Variants in SELENOS observed in about 807,000 individuals in gnomAD.
SELENOS encodes VCP interacting membrane selenoprotein.
In SELENOS, 37 loss-of-function variants were observed where a neutral mutation model predicts 30.2. The ratio of observed to expected loss-of-function variants is 1.23; its 90% CI spans 0.94 to 1.61. The LOEUF (loss-of-function observed/expected upper bound fraction) is 1.61, where lower values mean the gene tolerates loss of function less well. Among genes scored for constraint, SELENOS ranks in the 40% most tolerant of loss-of-function variants. SELENOS has a pLI of 0.00. For missense variants in SELENOS, 289 were observed against 231.8 expected (o/e 1.25, Z -1.60); for synonymous variants, 119 against 91.6 (o/e 1.30, Z -1.71).
chr15:101,277,185 T>A, intron 1 of SELENOS, 157 bp downstream of exon 1: 1 of 1,272,384 alleles, frequency 7.9e-7, no homozygotes. Flanking sequence ...CCGCGCAAGG[T>A]CCGGGCCTGC....
At chr15:101,276,883 C>G in intron 1 of SELENOS, 2 of 596,944 alleles carry the variant, frequency 3.4e-6, no homozygotes, top group East Asian at 6.1e-5. Flanking sequence ...TCCCAACCAT[C>G]TGGGGAGTCG....
chr15:101,273,831 C>T (rs972910169), intron 5 of SELENOS, among the ~76,000 whole-genome samples: 1 of 152,218 alleles, frequency 6.6e-6, no homozygotes, highest in Admixed American at 6.5e-5. Context: ...ATGGAGGATA[C>T]AAAATCTTCC....
chr15:101,276,174 C>T lies in SELENOS; in HGVS notation c.211+367G>A, dbSNP rs184530839. On this transcript the variant is annotated intron_variant, in intron 2 of 5. Coordinates refer to ENST00000526049, the MANE Select transcript of SELENOS (RefSeq NM_018445.6). The stretch of plus-strand genomic sequence containing the variant: ...CTGACCTCAAGTCATCCTCCTGCCT[C>T]GGCTTCCCAAAGTGCTGGGATTACA... Among the ~76,000 whole-genome samples the T allele has an allele frequency of 2.7e-3, 406 of 151,794 alleles. 2 individuals are homozygous for T. Among genetic ancestry groups the T allele is most frequent in the African/African-American group, 9.4e-3 (389 of 41,352 alleles).
Position 101,274,579 on chromosome 15 carries a change from G to A in SELENOS, c.408+13C>T. On this transcript the variant is annotated intron_variant, in intron 4 of 5. Transcript: ENST00000526049. Reference sequence around the variant, plus strand: ...CATCTACCGCATGCCAGCCGGCCGAGGTCTCCAGTCACCTGGGGCTTCTTT... The same window carrying A: ...CATCTACCGCATGCCAGCCGGCCGAAGTCTCCAGTCACCTGGGGCTTCTTT... 6.2e-7 allele frequency: 1 copy of A among 1,613,160 alleles called. No individual in the cohort carries two copies. The highest frequency in any genetic ancestry group is 8.5e-7 in the Non-Finnish European group (1 of 1,179,460).
chr15:101,276,530 C>G lies in SELENOS; in HGVS notation c.211+11G>C. ...AAACCACCGCTTTCATTTCGGTTAT[C>G]AGGCACTAACCCACAGCAGCCGCAG... On this transcript the variant is annotated intron_variant, in intron 2 of 5. Coordinates refer to ENST00000526049, the MANE Select transcript of SELENOS (RefSeq NM_018445.6). 1.3e-6 allele frequency: 2 copies of G among 1,587,442 alleles called. No individual in the cohort carries two copies. Among genetic ancestry groups the G allele is most frequent in the Middle Eastern group, 1.7e-4 (1 of 5,912 alleles).
chr15:101,272,683 TAGTCACTGTGA>T lies in SELENOS; in HGVS notation c.*77_*87del, dbSNP rs1285430807. On this transcript the variant is annotated 3_prime_UTR_variant, in exon 6 of 6. Coordinates refer to ENST00000526049, the MANE Select transcript of SELENOS (RefSeq NM_018445.6). ...GAAATCAACCCCACCTCCCCTTGGCTAGTCACTGTGAAAAGCGTGCGTAAGGCAATTGAATC... is the reference window on the plus strand; with the variant it reads ...GAAATCAACCCCACCTCCCCTTGGCTAAAGCGTGCGTAAGGCAATTGAATC... 1.6e-5 allele frequency: 22 copies of T among 1,365,946 alleles called. No individual in the cohort carries two copies. The highest frequency in any genetic ancestry group is 2.1e-5 in the Non-Finnish European group (21 of 980,134). 84.6% of individuals were successfully genotyped at this position (1,365,946 alleles called of 1,614,324 possible). A position where few individuals can be genotyped will look rare whatever the true frequency, so the allele number is the denominator to read the frequency against.
At position 101,272,544 on chromosome 15, in the gene SELENOS, A is replaced by C; in HGVS notation, c.*227T>G. On this transcript the variant is annotated 3_prime_UTR_variant, in exon 6 of 6. Coordinates refer to ENST00000526049, the MANE Select transcript of SELENOS (RefSeq NM_018445.6). ...CAACTAGCAATTAACCATGAAATCA[A>C]TGAATGCAATCACTGTCTCCAAGTA... 2 of 482,738 alleles carry C rather than the reference A, an allele frequency of 4.1e-6. No individual in the cohort carries two copies. The highest frequency in any genetic ancestry group is 6.7e-5 in the East Asian group (2 of 29,948). 29.9% of individuals were successfully genotyped at this position (482,738 alleles called of 1,614,324 possible).
chr15:101,274,511 C>G lies in SELENOS; in HGVS notation c.409-16G>C, dbSNP rs756605650. On this transcript the variant is annotated splice_polypyrimidine_tract_variant and intron_variant, in intron 4 of 5. Coordinates refer to ENST00000526049, the MANE Select transcript of SELENOS (RefSeq NM_018445.6). ...TGTCTTCCTCCTGTTTGAACACACA[C>G]AGTAGTGTAAGAAGCAATTAAAACA... is the stretch of plus-strand genomic sequence containing the variant. 6.2e-7 allele frequency: 1 copy of G among 1,607,784 alleles called. No individual in the cohort carries two copies. The highest frequency in any genetic ancestry group is 1.1e-5 in the South Asian group (1 of 89,864).
chr15:101,275,452 G>A (rs1491001629), intron 2 of SELENOS, 91 bp from the exon 3 acceptor site: 10 of 1,044,208 alleles, frequency 9.6e-6, no homozygotes, highest in South Asian at 4.0e-5. Context: ...GTATAAAGAG[G>A]TATGGATATC....
In SELENOS at chr15:101,272,844, A is replaced by C. The variant is rs539490043; in HGVS notation, c.497T>G (p.Leu166Trp). Reference protein sequence around the residue: ...KPLRGGGYNPLSGEGGGACSW... With the variant: ...KPLRGGGYNPWSGEGGGACSW... Reference sequence around the variant, plus strand: ...GCAAGCTCCGCCTCCTTCACCAGACAACGGGTTATAACCTGGGAGGACAGA... The same window carrying C: ...GCAAGCTCCGCCTCCTTCACCAGACCACGGGTTATAACCTGGGAGGACAGA... The change falls in exon 6 of 6, where the codon TTG becomes TGG. Residue 166 changes from leucine to tryptophan, a missense_variant. Physicochemically the swap from Leu to Trp is moderately conservative, Grantham distance 61 (BLOSUM62 -2). Coordinates refer to ENST00000526049, the MANE Select transcript of SELENOS (RefSeq NM_018445.6). The C allele has an allele frequency of 1.1e-5, 18 of 1,607,358 alleles. No individual in the cohort carries two copies. The East Asian group carries it at 4.0e-4, about 36-fold the overall frequency.
Position 101,274,586 on chromosome 15 carries a change from A to G in SELENOS, c.408+6T>C. The G allele has an allele frequency of 1.9e-6, 3 of 1,613,418 alleles. No homozygotes were observed. Among genetic ancestry groups the G allele is most frequent in the Non-Finnish European group, 8.5e-7 (1 of 1,179,582 alleles). ...CGCATGCCAGCCGGCCGAGGTCTCC[A>G]GTCACCTGGGGCTTCTTTGCATTTC... On this transcript the variant is annotated splice_donor_region_variant and intron_variant, in intron 4 of 5. Coordinates refer to ENST00000526049, the MANE Select transcript of SELENOS (RefSeq NM_018445.6).
At chr15:101,273,053 TGTCTG>T (rs2039287330) in intron 5 of SELENOS, among the ~76,000 whole-genome samples, 197 bp from the exon 6 acceptor site, 1 of 151,968 alleles carries the variant, frequency 6.6e-6, no homozygotes, top group African/African-American at 2.4e-5. Context: ...TTGAACTGAT[TGTCTG>T]GTGGGGAAAA....
Position 101,277,450 on chromosome 15 carries a change from G to GC in SELENOS, c.-34dup. ...GCCGCCGCCGCCGCCCAGCCCTGCC[G>GC]CCGCGCCTCCAGCCGGGCGCTTCCG... On this transcript the variant is annotated 5_prime_UTR_variant, in exon 1 of 6. Transcript: ENST00000526049. 1 of 1,422,972 alleles carries GC rather than the reference G, an allele frequency of 7.0e-7. No individual in the cohort carries two copies. The allele number at this position is 1,422,972 out of a possible 1,614,324, so 88.1% of individuals were successfully genotyped here. A position where few individuals can be genotyped will look rare whatever the true frequency, so the allele number is the denominator to read the frequency against.
At chr15:101,273,666 A>C (rs2039293744) in intron 5 of SELENOS, among the ~76,000 whole-genome samples, 1 of 152,202 alleles carries the variant, frequency 6.6e-6, no homozygotes, top group African/African-American at 2.4e-5. Context: ...CCTTCTCTAC[A>C]GCAAGCCAGG....
intron 5 of SELENOS, 69 bp downstream of exon 5, chr15:101,274,351 G>A: frequency 2.0e-6 from 3 of 1,484,334 alleles, no homozygotes; most frequent in Non-Finnish European, 2.8e-6. Flanking sequence ...AAACAATCTT[G>A]TTCCTAAAAG....
rs371284963 is a variant in SELENOS at position 101,275,344 on chromosome 15, TAACAAC to T, written c.223_228del (p.Val75_Val76del). The stretch of plus-strand genomic sequence containing the variant: ...GCAGCTGCTAAAGCTTCTTGTCGTT[TAACAAC>T]AACATCAGGTTCTAAAATGTCAGAA... On this transcript the variant is annotated inframe_deletion, in exon 3 of 6. Coordinates refer to ENST00000526049, the MANE Select transcript of SELENOS (RefSeq NM_018445.6). The T allele has an allele frequency of 4.4e-6, 7 of 1,577,202 alleles. No homozygotes were observed. Among genetic ancestry groups the T allele is most frequent in the Non-Finnish European group, 5.2e-6 (6 of 1,160,724 alleles).
intron 1 of SELENOS, 176 bp downstream of exon 1, chr15:101,277,166 G>T (rs949374760): frequency 1.8e-6 from 2 of 1,130,744 alleles, no homozygotes; most frequent in South Asian, 2.6e-5. Context: ...TGCGGCTCCC[G>T]AGAAGCCTCC....
rs79533106 is a variant in SELENOS at position 101,274,693 on chromosome 15, T to A, written c.319-12A>T. ...TTTTCTTCTTCAAGCTGAGAAACAATCACATTTTACAGAAAGAATTCAGAA... is the reference window on the plus strand; with the variant it reads ...TTTTCTTCTTCAAGCTGAGAAACAAACACATTTTACAGAAAGAATTCAGAA... On this transcript the variant is annotated splice_polypyrimidine_tract_variant and intron_variant, in intron 3 of 5. Coordinates refer to ENST00000526049, the MANE Select transcript of SELENOS (RefSeq NM_018445.6). 8,092 of 1,606,758 alleles carry A rather than the reference T, an allele frequency of 5.0e-3. 273 individuals are homozygous for A. The East Asian group carries it at 0.081, about 16-fold the overall frequency.
At position 101,276,625 on chromosome 15, in the gene SELENOS, G is replaced by C; in HGVS notation, c.127C>G (p.Leu43Val). Residue 43 changes from leucine to valine, a missense_variant, in exon 2 of 6, where the codon CTT (leucine) becomes GTT (valine). Physicochemically the swap from Leu to Val is conservative, Grantham distance 32. Transcript: ENST00000526049. Reference protein sequence around the residue: ...YGWYIVFSCILLYVVFQKLSA... With the variant: ...YGWYIVFSCIVLYVVFQKLSA... The stretch of plus-strand genomic sequence containing the variant: ...AGCTTCTGAAAGACCACGTAGAGAA[G>C]GATGCAGCTGAAGACGATGTACCAG... The C allele has an allele frequency of 6.2e-7, 1 of 1,613,804 alleles. No individual in the cohort carries two copies. Among genetic ancestry groups the C allele is most frequent in the South Asian group, 1.1e-5 (1 of 91,076 alleles).
Sources: gnomAD v4.1 joint callset for allele counts (sites outside exome capture counted in the v4.1 genomes callset) on GRCh38, gnomAD v4.1.1 for gene constraint, MANE v1.5 for transcripts, NCBI Gene and HGNC (gene_info 2026-07-23, HGNC 2026-07-21) for gene names.